The following PLCB4 variants were observed in gnomAD, a reference collection of about 807,000 sequenced individuals.
PLCB4 encodes phospholipase C beta 4.
In PLCB4, 77 loss-of-function variants were observed where a neutral mutation model predicts 178.8. That is an observed-to-expected ratio of 0.43 (90% CI 0.36 to 0.52). The LOEUF (loss-of-function observed/expected upper bound fraction) is 0.52, where lower values mean the gene tolerates loss of function less well. PLCB4 is among the 20% of genes least tolerant of loss of function. The probability of loss-of-function intolerance (pLI) is 0.00; values close to 1 mark genes in which losing one functional copy is unlikely to be tolerated. For missense variants in PLCB4, 1,024 were observed against 1,453.4 expected (o/e 0.70, Z 4.80); for synonymous variants, 496 against 490.8 (o/e 1.01, Z -0.14).
chr20:9,216,496 C>T (rs1200402666), intron 2 of PLCB4, among the ~76,000 whole-genome samples: 3 of 151,708 alleles, frequency 2.0e-5, no homozygotes, highest in Admixed American at 6.6e-5. Context: ...GGATTACAGG[C>T]GTGAGCCACT....
intron 1 of PLCB4, among the ~76,000 whole-genome samples, chr20:9,094,355 A>G (rs531767006): frequency 5.9e-5 from 9 of 152,262 alleles, no homozygotes; most frequent in African/African-American, 1.9e-4. Flanking sequence ...AACCATACCT[A>G]TAAGCTTTTC....
intron 2 of PLCB4, among the ~76,000 whole-genome samples, chr20:9,122,320 G>A (rs750102543): frequency 2.0e-5 from 3 of 151,582 alleles, no homozygotes; most frequent in Admixed American, 6.6e-5. Context: ...AATAAAATTG[G>A]GATTATATTG....
rs760139208 is a variant in PLCB4, at chr20:9,409,193, T to C, written c.1999+12T>C. The C allele has an allele frequency of 2.5e-6, 4 of 1,581,886 alleles. No individual in the cohort carries two copies. The Admixed American group carries it at 8.2e-5, about 32-fold the overall frequency. ...CTATCAAACCCCAGGTAGGAGCTGA[T>C]GTCCAGTGACCCCAAATTCCATGAG... On this transcript the variant is annotated intron_variant, in intron 24 of 39. Coordinates refer to ENST00000378473, the MANE Select transcript of PLCB4 (RefSeq NM_001377142.1).
At chr20:9,456,812 T>C (rs1243149107) in intron 33 of PLCB4, among the ~76,000 whole-genome samples, 1 of 152,236 alleles carries the variant, frequency 6.6e-6, no homozygotes, top group African/African-American at 2.4e-5. Context: ...GTATACATGC[T>C]GAAGATGAAG....
At chr20:9,465,863 G>C (rs1307012302) in intron 35 of PLCB4, among the ~76,000 whole-genome samples, 1 of 152,052 alleles carries the variant, frequency 6.6e-6, no homozygotes, top group Non-Finnish European at 1.5e-5. Context: ...TACTGCCCAA[G>C]GTAATTTATA....
chr20:9,302,997 A>G (rs1255409329), intron 3 of PLCB4, among the ~76,000 whole-genome samples: 1 of 152,176 alleles, frequency 6.6e-6, no homozygotes, highest in Non-Finnish European at 1.5e-5. Context: ...TCTGCAGAAA[A>G]GAGATGTTTT....
At chr20:9,163,046 C>T (rs2092914405) in intron 2 of PLCB4, among the ~76,000 whole-genome samples, 1 of 152,100 alleles carries the variant, frequency 6.6e-6, no homozygotes, top group Admixed American at 6.6e-5. Flanking sequence ...AATAGATGCA[C>T]ACAGTTGTCT....
intron 3 of PLCB4, among the ~76,000 whole-genome samples, chr20:9,275,787 A>G (rs1049880315): frequency 3.9e-5 from 6 of 151,946 alleles, no homozygotes; most frequent in African/African-American, 7.2e-5. Context: ...TGACGTGCCA[A>G]CTCCATTACA....
intron 1 of PLCB4, among the ~76,000 whole-genome samples, chr20:9,081,428 G>A (rs1197123326): frequency 1.3e-5 from 2 of 152,114 alleles, no homozygotes; most frequent in East Asian, 3.8e-4. Context: ...AGAACATAAA[G>A]CCTGCTGCAC....
At chr20:9,089,816 T>TG (rs1179615956) in intron 1 of PLCB4, among the ~76,000 whole-genome samples, 1 of 152,212 alleles carries the variant, frequency 6.6e-6, no homozygotes, top group Admixed American at 6.5e-5. Context: ...CACTTGATCC[T>TG]GTTTTTAGTT....
At chr20:9,445,450 G>T (rs556241305) in intron 32 of PLCB4, among the ~76,000 whole-genome samples, 1 of 152,206 alleles carries the variant, frequency 6.6e-6, no homozygotes, top group African/African-American at 2.4e-5. Context: ...GTATTGAGAT[G>T]CCGAGAACAT....
At chr20:9,083,037 C>T (rs2090232148) in intron 1 of PLCB4, among the ~76,000 whole-genome samples, 1 of 152,166 alleles carries the variant, frequency 6.6e-6, no homozygotes, top group South Asian at 2.1e-4. Flanking sequence ...GAGGAATCCA[C>T]TCCTTAATTA....
chr20:9,180,634 CTGCTAGAG>C (rs113393806), intron 2 of PLCB4, among the ~76,000 whole-genome samples: 10 of 152,296 alleles, frequency 6.6e-5, no homozygotes, highest in African/African-American at 1.7e-4. Flanking sequence ...TCTTGCTAAG[CTGCTAGAG>C]TGCAGTCAAC....
At chr20:9,365,604 G>C in intron 9 of PLCB4, 90 bp downstream of exon 9, 1 of 681,102 alleles carries the variant, frequency 1.5e-6, no homozygotes, top group Non-Finnish European at 2.6e-6. Flanking sequence ...GTATTTGTGT[G>C]TTAAATGCTT....
intron 3 of PLCB4, among the ~76,000 whole-genome samples, chr20:9,270,833 A>AC (rs1291757792): frequency 6.6e-6 from 1 of 151,856 alleles, no homozygotes; most frequent in Non-Finnish European, 1.5e-5. Context: ...CCAAAAAAAA[A>AC]CAAATATTTT....
chr20:9,152,105 T>C lies in PLCB4; in HGVS notation c.-79+55763T>C, dbSNP rs150343899. On this transcript the variant is annotated intron_variant, in intron 2 of 39. Transcript: ENST00000378473. ...TCCAAGCAGCTCAGCATTCAAGAGGTGACTTGGATGCTGTTAAAGGCTTTC... is the reference window on the plus strand; with the variant it reads ...TCCAAGCAGCTCAGCATTCAAGAGGCGACTTGGATGCTGTTAAAGGCTTTC... 2.3e-3 allele frequency among the ~76,000 whole-genome samples: 348 copies of C among 152,160 alleles called. 1 individual carries two copies. The highest frequency in any genetic ancestry group is 7.9e-3 in the African/African-American group (326 of 41,506).
intron 3 of PLCB4, among the ~76,000 whole-genome samples, chr20:9,302,781 A>C (rs2094720872): frequency 6.6e-6 from 1 of 152,188 alleles, no homozygotes; most frequent in African/African-American, 2.4e-5. Flanking sequence ...GAGAAACATC[A>C]TATACTGGGT....
intron 7 of PLCB4, among the ~76,000 whole-genome samples, chr20:9,347,774 G>A (rs1324269779): frequency 6.6e-6 from 1 of 152,094 alleles, no homozygotes. Flanking sequence ...TCAAGAGATC[G>A]AGACCATCCT....
chr20:9,444,456 T>G (rs2042287920), intron 32 of PLCB4, among the ~76,000 whole-genome samples: 1 of 152,218 alleles, frequency 6.6e-6, no homozygotes. Flanking sequence ...ATAACAAAGC[T>G]TCATCCATTT....
Sources: gnomAD v4.1 joint callset for allele counts (sites outside exome capture counted in the v4.1 genomes callset) on GRCh38, gnomAD v4.1.1 for gene constraint, MANE v1.5 for transcripts, NCBI Gene and HGNC (gene_info 2026-07-23, HGNC 2026-07-21) for gene names.